Variants in TMOD3 observed in about 807,000 individuals in gnomAD.
TMOD3 encodes the protein tropomodulin-3.
TMOD3 carries 20 observed loss-of-function variants against 39.2 expected under a neutral mutation model. The ratio of observed to expected loss-of-function variants is 0.51; its 90% confidence interval spans 0.36 to 0.74. TMOD3 has a LOEUF of 0.74. Among genes scored for constraint, TMOD3 ranks in the 30% least tolerant of loss-of-function variants. The pLI is 0.00. For missense variants in TMOD3, 381 were observed against 412.8 expected (o/e 0.92, Z 0.67); for synonymous variants, 143 against 145.8 (o/e 0.98, Z 0.14).
Position 51,911,808 on chromosome 15 carries a change from A to G in TMOD3, c.*2998A>G, listed in dbSNP as rs1249278273. ...TACTATTAAAATGGATTTTGGTGCT[A>G]TATTCTTGTAGCTAAAGCCTAGTAG... On this transcript the variant is annotated 3_prime_UTR_variant, in exon 10 of 10. Transcript: ENST00000308580. 1.3e-5 allele frequency: 2 copies of G among 152,214 alleles called. No individual in the cohort carries two copies. The highest frequency in any genetic ancestry group is 2.9e-5 in the Non-Finnish European group (2 of 68,036). 9.4% of individuals were successfully genotyped at this position (152,214 alleles called of 1,614,324 possible). A position where few individuals can be genotyped will look rare whatever the true frequency, so the allele number is the denominator to read the frequency against.
At chr15:51,869,783 A>T (rs1323911447) in intron 3 of TMOD3, among the ~76,000 whole-genome samples, 1 of 152,212 alleles carries the variant, frequency 6.6e-6, no homozygotes, top group Non-Finnish European at 1.5e-5. Context: ...TTAAAAAGCT[A>T]TTCTATACCC....
intron 1 of TMOD3, among the ~76,000 whole-genome samples, chr15:51,845,405 C>G (rs1160301060): frequency 1.3e-5 from 2 of 152,166 alleles, no homozygotes; most frequent in Non-Finnish European, 2.9e-5. Flanking sequence ...GTCCATAGAT[C>G]CGCTCACCCT....
chr15:51,856,560 T>C (rs1463062344), intron 1 of TMOD3, among the ~76,000 whole-genome samples: 1 of 148,810 alleles, frequency 6.7e-6, no homozygotes, highest in Admixed American at 6.7e-5. Flanking sequence ...GAAAAAAAAA[T>C]GGAAGAGATT....
chr15:51,844,462 A>T (rs1407668106), intron 1 of TMOD3, among the ~76,000 whole-genome samples: 1 of 152,154 alleles, frequency 6.6e-6, no homozygotes, highest in Non-Finnish European at 1.5e-5. Context: ...CTAAATTCCA[A>T]GTCAATTTTT....
chr15:51,893,893 G>T lies in TMOD3; in HGVS notation c.575G>T (p.Arg192Ile). The change falls in exon 6 of 10, where the codon AGA becomes ATA. Residue 192 changes from arginine to isoleucine, a missense_variant. By Grantham distance (97) the Arg-to-Ile change is moderately conservative. Transcript: ENST00000308580. ...ACCAATGTAGAAGAGAGTTTGAAGA[G>T]AACTAAAGAAAACGATGCTCATCTT... ...NPTNVEESLK[R>I]TKENDAHLVE... 6.2e-7 allele frequency: 1 copy of T among 1,609,352 alleles called. No homozygotes were observed.
chr15:51,839,915 G>A (rs560386371), intron 1 of TMOD3, among the ~76,000 whole-genome samples: 4 of 152,050 alleles, frequency 2.6e-5, no homozygotes, highest in Admixed American at 6.5e-5. Context: ...TACTGACTCC[G>A]CTCCCAGCCC....
At chr15:51,904,257 C>T (rs1162748940) in intron 9 of TMOD3, among the ~76,000 whole-genome samples, 2 of 152,198 alleles carry the variant, frequency 1.3e-5, no homozygotes, top group Non-Finnish European at 2.9e-5. Flanking sequence ...GCCTTTTACT[C>T]AGAAAACTAA....
chr15:51,832,431 C>T (rs905052211), intron 1 of TMOD3, among the ~76,000 whole-genome samples: 1 of 151,800 alleles, frequency 6.6e-6, no homozygotes, highest in African/African-American at 2.4e-5. Context: ...TCTCTTTCCC[C>T]AGGCTATACT....
chr15:51,904,690 T>C (rs1263727553), intron 9 of TMOD3, among the ~76,000 whole-genome samples: 1 of 152,128 alleles, frequency 6.6e-6, no homozygotes, highest in Non-Finnish European at 1.5e-5. Flanking sequence ...GTGAAGACTG[T>C]TTTGGTAGAC....
rs2056390411 is a variant in TMOD3, at chr15:51,856,881, G to C, written c.-74-5930G>C. Among the ~76,000 whole-genome samples the C allele has an allele frequency of 2.6e-5, 4 of 152,166 alleles. No homozygotes were observed. In the South Asian group the frequency reaches 8.3e-4, roughly 32 times the overall value. On this transcript the variant is annotated intron_variant, in intron 1 of 9. Transcript: ENST00000308580. ...GTTTGGGATTACCTAATCAAGTTCA[G>C]TATAAGCATACCCTTTTCCCAGCAA...
At chr15:51,889,252 T>C (rs1449544924) in intron 5 of TMOD3, 107 bp downstream of exon 5, 7 of 683,736 alleles carry the variant, frequency 1.0e-5, no homozygotes, top group Non-Finnish European at 1.0e-5. Context: ...ATATATGTAC[T>C]TGAAACCTGA....
At chr15:51,892,860 A>G (rs1211406740) in intron 5 of TMOD3, among the ~76,000 whole-genome samples, 1 of 152,234 alleles carries the variant, frequency 6.6e-6, no homozygotes, top group Non-Finnish European at 1.5e-5. Flanking sequence ...TGTGCTATCA[A>G]ATATATTTGA....
In TMOD3 at chr15:51,855,562, T is replaced by C. The variant is rs183896622; in HGVS notation, c.-74-7249T>C. Among the ~76,000 whole-genome samples the C allele has an allele frequency of 1.4e-3, 211 of 152,392 alleles. 1 individual carries two copies. Among genetic ancestry groups the C allele is most frequent in the Middle Eastern group, 6.8e-3 (2 of 294 alleles). On this transcript the variant is annotated intron_variant, in intron 1 of 9. Transcript: ENST00000308580. ...TTCTTAAATGATCGTGAGAATGTTA[T>C]GCTTTGAAAACCAATTCCCATATTC...
intron 9 of TMOD3, among the ~76,000 whole-genome samples, chr15:51,905,970 A>G (rs956760413): frequency 1.1e-4 from 16 of 151,120 alleles, no homozygotes; most frequent in African/African-American, 2.4e-4. Flanking sequence ...AAAAAAAAAA[A>G]AAAAAAAAAA....
At chr15:51,878,374 ATATG>A (rs1413176072) in intron 3 of TMOD3, among the ~76,000 whole-genome samples, 1 of 80,766 alleles carries the variant, frequency 1.2e-5, no homozygotes, top group Non-Finnish European at 2.6e-5. Context: ...TCTTTAAAAT[ATATG>A]TGTGTGTGTG....
chr15:51,836,497 C>T (rs556926154), intron 1 of TMOD3, among the ~76,000 whole-genome samples: 5 of 152,170 alleles, frequency 3.3e-5, no homozygotes, highest in Admixed American at 2.0e-4. Flanking sequence ...GAGGCTGAGG[C>T]GGGTGGATCA....
At chr15:51,897,166 A>G (rs1372597430) in intron 7 of TMOD3, among the ~76,000 whole-genome samples, 1 of 152,164 alleles carries the variant, frequency 6.6e-6, no homozygotes, top group Non-Finnish European at 1.5e-5. Context: ...ACTTCTAAAT[A>G]TTGGAATGGC....
rs753814979 is a variant in TMOD3 at position 51,881,550 on chromosome 15, C to CTTTTTTTTTTT, written c.284-6021_284-6011dup. On this transcript the variant is annotated intron_variant, in intron 3 of 9. Transcript: ENST00000308580. ...ACGGAGATACAATCTTTCTTTATTT[C>CTTTTTTTTTTT]TTTTTTTTTTTTTTTTTTTTTTTTT... Among the ~76,000 whole-genome samples, 40 of 61,838 alleles carry CTTTTTTTTTTT rather than the reference C, an allele frequency of 6.5e-4. 3 individuals are homozygous for CTTTTTTTTTTT. The highest frequency in any genetic ancestry group is 1.4e-3 in the African/African-American group (20 of 14,602). 40.6% of individuals were successfully genotyped at this position (61,838 alleles called of 152,430 possible). A position where few individuals can be genotyped will look rare whatever the true frequency, so the allele number is the denominator to read the frequency against.
chr15:51,848,383 A>C (rs1336748163), intron 1 of TMOD3, among the ~76,000 whole-genome samples: 1 of 152,206 alleles, frequency 6.6e-6, no homozygotes, highest in African/African-American at 2.4e-5. Context: ...TACATAGATG[A>C]CTGTCTTTAC....
Sources: allele counts gnomAD v4.1 joint callset (sites outside exome capture counted in the v4.1 genomes callset), GRCh38; gene constraint gnomAD v4.1.1; transcripts MANE v1.5; gene names NCBI Gene and HGNC (gene_info 2026-07-23, HGNC 2026-07-21).